FIG4: variants seen among roughly 807,000 people sequenced by gnomAD.
FIG4 encodes polyphosphoinositide phosphatase.
FIG4 carries 112 observed loss-of-function variants against 118.6 expected under a neutral mutation model. The ratio of observed to expected loss-of-function variants is 0.94; its 90% CI spans 0.81 to 1.11. The LOEUF (loss-of-function observed/expected upper bound fraction) is 1.11, where lower values mean the gene tolerates loss of function less well. Ranked by LOEUF, FIG4 falls within the 50% of genes least tolerant of loss-of-function variation. FIG4 has a pLI of 0.00. For synonymous variants in FIG4, 369 were observed against 381.2 expected, an observed-to-expected ratio of 0.97 and a Z score of 0.37; for missense variants, 969 against 1,111.7, an observed-to-expected ratio of 0.87 and a Z score of 1.83.
intron 16 of FIG4, among the ~76,000 whole-genome samples, chr6:109,784,477 G>T (rs1032752462): frequency 2.0e-5 from 3 of 152,186 alleles, no homozygotes; most frequent in African/African-American, 7.2e-5. Flanking sequence ...TAATGATTTT[G>T]CTTAACTGTT....
intron 1 of FIG4, among the ~76,000 whole-genome samples, chr6:109,694,315 A>G (rs1255782556): frequency 6.6e-6 from 1 of 152,194 alleles, no homozygotes; most frequent in African/African-American, 2.4e-5. Flanking sequence ...GGTGTGGTGC[A>G]GGTGCTAAGA....
At chr6:109,818,369 T>G (rs992959106) in intron 22 of FIG4, among the ~76,000 whole-genome samples, 3 of 152,058 alleles carry the variant, frequency 2.0e-5, no homozygotes, top group Non-Finnish European at 4.4e-5. Flanking sequence ...CCCGGCTAAT[T>G]TTGTATTTTT....
chr6:109,693,588 C>A (rs1217252708), intron 1 of FIG4, among the ~76,000 whole-genome samples: 1 of 152,176 alleles, frequency 6.6e-6, no homozygotes, highest in Non-Finnish European at 1.5e-5. Flanking sequence ...TGGTATCCAG[C>A]TTCTGGAAAA....
At position 109,716,565 on chromosome 6, in the gene FIG4, G is replaced by A; in HGVS notation, c.286G>A (p.Val96Met). 5 of 1,613,750 alleles carry A rather than the reference G, an allele frequency of 3.1e-6. No individual in the cohort carries two copies. The highest frequency in any genetic ancestry group is 4.2e-6 in the Non-Finnish European group (5 of 1,179,728). The change falls in exon 3 of 23, where the codon GTG becomes ATG. Residue 96 changes from valine (V) to methionine (M), a missense_variant. Val to Met is a conservative substitution (Grantham distance 21, BLOSUM62 1). Around this residue, in one of 3 missense-constraint regions of FIG4, gnomAD observed 393 missense variants for 409.4 expected, o/e 0.96. Transcript: ENST00000230124. ...TCGAGCGGTTTCAGCTTTTGGTGTT[G>A]TGGGTAAGAAATCTGCCCCCCTTCT... ...LFRAVSAFGVVGFVRFLEGYY... is the reference protein window; with the variant it reads ...LFRAVSAFGVMGFVRFLEGYY...
In FIG4 at chr6:109,764,105, A is replaced by G. The variant is rs907557946; in HGVS notation, c.1434+123A>G. Reference sequence around the variant, plus strand: ...AATGCAGAATTATTATTTGAGAATGATTGTTAAAAGCCTTACTTCTAGTCT... The same window carrying G: ...AATGCAGAATTATTATTTGAGAATGGTTGTTAAAAGCCTTACTTCTAGTCT... On this transcript the variant is annotated intron_variant, in intron 13 of 22. Transcript: ENST00000230124. The G allele has an allele frequency of 4.3e-6, 3 of 704,336 alleles. No individual in the cohort carries two copies. In the African/African-American group the frequency reaches 5.3e-5, roughly 13 times the overall value. The allele number at this position is 704,336 out of a possible 1,614,324, so 43.6% of individuals were successfully genotyped here.
chr6:109,789,511 G>T (rs890052267), intron 18 of FIG4, 83 bp from the exon 19 acceptor site: 5 of 981,840 alleles, frequency 5.1e-6, no homozygotes, highest in African/African-American at 3.2e-5. Context: ...AAGGAATATT[G>T]TAAGAGTGTG....
chr6:109,772,045 A>G (rs1777482297), intron 15 of FIG4, among the ~76,000 whole-genome samples: 1 of 152,128 alleles, frequency 6.6e-6, no homozygotes, highest in African/African-American at 2.4e-5. Flanking sequence ...TACCTGCTCC[A>G]CTTGGCAACT....
chr6:109,753,737 C>G (rs1562663430), intron 10 of FIG4, among the ~76,000 whole-genome samples: 6 of 151,876 alleles, frequency 4.0e-5, no homozygotes, highest in Admixed American at 2.6e-4. Context: ...TGATTTGGCT[C>G]TCTGTCTGTT....
chr6:109,741,288 C>T (rs1418865718), intron 7 of FIG4, among the ~76,000 whole-genome samples, 156 bp from the exon 8 acceptor site: 1 of 152,148 alleles, frequency 6.6e-6, no homozygotes, highest in Non-Finnish European at 1.5e-5. Context: ...TTCTGAAGAA[C>T]CATTAGATCA....
intron 22 of FIG4, among the ~76,000 whole-genome samples, chr6:109,817,070 C>T (rs957914251): frequency 6.6e-6 from 1 of 152,230 alleles, no homozygotes; most frequent in African/African-American, 2.4e-5. Flanking sequence ...GCATCTGGCC[C>T]TGCATCCAGG....
At chr6:109,726,450 T>C (rs916591963) in intron 3 of FIG4, among the ~76,000 whole-genome samples, 1 of 152,148 alleles carries the variant, frequency 6.6e-6, no homozygotes, top group Non-Finnish European at 1.5e-5. Context: ...TTCTGTTCCA[T>C]TGGTCTATAT....
chr6:109,713,404 A>G (rs901276847), intron 1 of FIG4, among the ~76,000 whole-genome samples: 12 of 152,092 alleles, frequency 7.9e-5, no homozygotes, highest in African/African-American at 2.2e-4. Flanking sequence ...GCAGGTCTAT[A>G]TACACTCTCT....
intron 14 of FIG4, 119 bp downstream of exon 14, chr6:109,765,280 A>C: frequency 1.2e-6 from 1 of 805,552 alleles, no homozygotes; most frequent in Non-Finnish European, 2.1e-6. Flanking sequence ...ATGTTGCTAG[A>C]AAACATTATT....
chr6:109,813,066 A>C (rs1438424305), intron 22 of FIG4, among the ~76,000 whole-genome samples: 3 of 152,222 alleles, frequency 2.0e-5, no homozygotes, highest in Non-Finnish European at 4.4e-5. Flanking sequence ...TTTACCTATA[A>C]AAGTAGCAGT....
intron 1 of FIG4, among the ~76,000 whole-genome samples, chr6:109,695,134 T>C (rs1486335822): frequency 6.6e-6 from 1 of 152,200 alleles, no homozygotes; most frequent in Non-Finnish European, 1.5e-5. Flanking sequence ...AAATAACAAA[T>C]GTAAACTTTA....
At chr6:109,727,827 A>G (rs1485291596) in intron 4 of FIG4, among the ~76,000 whole-genome samples, 4 of 152,174 alleles carry the variant, frequency 2.6e-5, no homozygotes. Context: ...TAATCAGATA[A>G]ATACATACCA....
chr6:109,793,589 T>C (rs1376480593), intron 21 of FIG4, among the ~76,000 whole-genome samples: 1 of 152,240 alleles, frequency 6.6e-6, no homozygotes, highest in Non-Finnish European at 1.5e-5. Context: ...TTTAGAAGAC[T>C]TGATTATTGC....
intron 15 of FIG4, among the ~76,000 whole-genome samples, chr6:109,773,322 G>T (rs1252824663): frequency 6.6e-6 from 1 of 152,058 alleles, no homozygotes; most frequent in Non-Finnish European, 1.5e-5. Context: ...AATATTCATG[G>T]TATGATACTA....
intron 22 of FIG4, among the ~76,000 whole-genome samples, chr6:109,821,283 C>T (rs1562702067): frequency 6.6e-6 from 1 of 152,208 alleles, no homozygotes; most frequent in African/African-American, 2.4e-5. Context: ...TTCACTGAAA[C>T]AACCAAAGAG....
Sources: gnomAD v4.1 joint callset for allele counts (sites outside exome capture counted in the v4.1 genomes callset) on GRCh38, gnomAD v4.1.1 for gene constraint, gnomAD v4.1.1 regional missense constraint, MANE v1.5 for transcripts, NCBI Gene and HGNC (gene_info 2026-07-23, HGNC 2026-07-21) for gene names.